The following CTNNA2 variants were observed in gnomAD, a reference collection of about 807,000 sequenced individuals.
CTNNA2 encodes the protein catenin alpha-2.
A neutral mutation model predicts 101.0 loss-of-function variants in CTNNA2; 42 were observed. That is an observed-to-expected ratio of 0.42 (90% CI 0.32 to 0.54). The LOEUF (loss-of-function observed/expected upper bound fraction) is 0.54, where lower values mean the gene tolerates loss of function less well. Among genes scored for constraint, CTNNA2 ranks in the 20% least tolerant of loss-of-function variants. CTNNA2 has a pLI of 0.14. For missense variants in CTNNA2, 871 were observed against 1,223.1 expected (o/e 0.71, Z 4.29); for synonymous variants, 450 against 456.4 (o/e 0.99, Z 0.18).
intron 18 of CTNNA2, among the ~76,000 whole-genome samples, chr2:80,641,695 T>C (rs928907741): frequency 1.3e-5 from 2 of 152,194 alleles, no homozygotes; most frequent in Non-Finnish European, 2.9e-5. Flanking sequence ...ATTACTTAAC[T>C]ATTCCCTACT....
At chr2:79,959,822 A>G (rs1175327638) in intron 7 of CTNNA2, among the ~76,000 whole-genome samples, 2 of 152,218 alleles carry the variant, frequency 1.3e-5, no homozygotes, top group African/African-American at 4.8e-5. Context: ...AATGGGATCC[A>G]TATCAATTTG....
chr2:80,434,021 T>G (rs1363105100), intron 9 of CTNNA2, among the ~76,000 whole-genome samples: 1 of 152,236 alleles, frequency 6.6e-6, no homozygotes, highest in Non-Finnish European at 1.5e-5. Flanking sequence ...GCTCAAATAC[T>G]GTTAATAAAT....
chr2:79,206,505 A>C (rs1227312241), intron 2 of CTNNA2, among the ~76,000 whole-genome samples: 1 of 152,060 alleles, frequency 6.6e-6, no homozygotes, highest in Non-Finnish European at 1.5e-5. Flanking sequence ...CTCTTCCCTC[A>C]CACTTGGAGC....
chr2:80,602,229 T>C (rs1181137992), intron 15 of CTNNA2, among the ~76,000 whole-genome samples: 1 of 152,074 alleles, frequency 6.6e-6, no homozygotes, highest in African/African-American at 2.4e-5. Context: ...GTCTATGAAC[T>C]GTAGTCTCCG....
At chr2:80,342,302 C>A (rs1573776046) in intron 7 of CTNNA2, among the ~76,000 whole-genome samples, 1 of 152,136 alleles carries the variant, frequency 6.6e-6, no homozygotes, top group African/African-American at 2.4e-5. Flanking sequence ...AATAGTATCA[C>A]CTGGAGTTGG....
At chr2:80,140,619 A>T (rs552399564) in intron 7 of CTNNA2, among the ~76,000 whole-genome samples, 1 of 152,326 alleles carries the variant, frequency 6.6e-6, no homozygotes, top group East Asian at 1.9e-4. Flanking sequence ...AATGTCTGTC[A>T]TTCCTGTGAA....
chr2:79,253,680 C>T (rs191749268), intron 2 of CTNNA2, among the ~76,000 whole-genome samples: 91 of 152,264 alleles, frequency 6.0e-4, no homozygotes, highest in African/African-American at 1.8e-3. Context: ...TCCTTTATGC[C>T]GCAGAACTTA....
chr2:80,398,439 C>T (rs996813010), intron 8 of CTNNA2, among the ~76,000 whole-genome samples: 4 of 152,064 alleles, frequency 2.6e-5, no homozygotes, highest in Admixed American at 6.6e-5. Flanking sequence ...CTAATAATCC[C>T]TGGAGTTTGG....
intron 4 of CTNNA2, among the ~76,000 whole-genome samples, chr2:79,406,751 A>G (rs1425376248): frequency 6.6e-6 from 1 of 151,962 alleles, no homozygotes; most frequent in Non-Finnish European, 1.5e-5. Flanking sequence ...CAAGGAAAAA[A>G]TCTTGGGGCT....
At chr2:80,082,125 C>A (rs1573023173) in intron 7 of CTNNA2, among the ~76,000 whole-genome samples, 1 of 152,034 alleles carries the variant, frequency 6.6e-6, no homozygotes, top group East Asian at 1.9e-4. Flanking sequence ...CCATTTCAAA[C>A]CAAATGGAAA....
At chr2:80,397,911 C>T (rs533995106) in intron 8 of CTNNA2, among the ~76,000 whole-genome samples, 4 of 152,182 alleles carry the variant, frequency 2.6e-5, no homozygotes, top group East Asian at 3.9e-4. Context: ...GGGAAATACA[C>T]GTGGGGAAGA....
At chr2:80,164,922 G>A (rs2148951746) in intron 7 of CTNNA2, among the ~76,000 whole-genome samples, 1 of 146,390 alleles carries the variant, frequency 6.8e-6, no homozygotes, top group East Asian at 2.0e-4. Flanking sequence ...TATTTGAACA[G>A]CTTTTCCCAA....
At chr2:79,466,305 C>A (rs1670933870) in intron 4 of CTNNA2, among the ~76,000 whole-genome samples, 1 of 152,200 alleles carries the variant, frequency 6.6e-6, no homozygotes, top group African/African-American at 2.4e-5. Context: ...TGAGATCGAA[C>A]TGCAAGGTGG....
intron 2 of CTNNA2, among the ~76,000 whole-genome samples, chr2:79,726,331 C>T (rs1686836171): frequency 6.6e-6 from 1 of 151,962 alleles, no homozygotes; most frequent in Non-Finnish European, 1.5e-5. Context: ...TGCAGAAGTC[C>T]CCAACCCCGG....
At chr2:79,536,593 G>GTGTGTGTA (rs1358363596) in intron 1 of CTNNA2, among the ~76,000 whole-genome samples, 49 of 151,392 alleles carry the variant, frequency 3.2e-4, no homozygotes, top group African/African-American at 1.1e-3. Context: ...GTGTGTGTGT[G>GTGTGTGTA]TGTGTGTGTT....
intron 7 of CTNNA2, chr2:80,313,440 T>C (rs751351360): frequency 6.7e-7 from 1 of 1,488,568 alleles, no homozygotes; most frequent in Non-Finnish European, 9.0e-7. Flanking sequence ...GGAGTGGAGA[T>C]GATGAGTAAC....
chr2:80,617,987 A>AGATTG (rs1473085567), intron 17 of CTNNA2, among the ~76,000 whole-genome samples: 1 of 151,846 alleles, frequency 6.6e-6, no homozygotes, highest in Admixed American at 6.6e-5. Context: ...TCCACTAGTC[A>AGATTG]GATGAAGGCC....
chr2:79,867,292 A>G (rs1289043087), intron 4 of CTNNA2, among the ~76,000 whole-genome samples: 1 of 152,136 alleles, frequency 6.6e-6, no homozygotes. Context: ...TTGTCTGTTC[A>G]CTAAACTTAT....
chr2:79,640,077 T>G (rs78652209), intron 1 of CTNNA2, among the ~76,000 whole-genome samples: 2,104 of 151,994 alleles, frequency 0.014, 32 homozygotes, highest in Middle Eastern at 0.027. Context: ...TCTCTGTTCC[T>G]GAATGCATTA....
Sources: allele counts gnomAD v4.1 joint callset (sites outside exome capture counted in the v4.1 genomes callset), GRCh38; gene constraint gnomAD v4.1.1; transcripts MANE v1.5; gene names NCBI Gene and HGNC (gene_info 2026-07-23, HGNC 2026-07-21).